The following DICER1 variants were observed in gnomAD, a reference collection of about 807,000 sequenced individuals.
The protein encoded by DICER1 is endoribonuclease Dicer.
Under a neutral mutation model 194.1 loss-of-function variants are expected in DICER1, and 43 were observed. The ratio of observed to expected loss-of-function variants is 0.22; its 90% CI spans 0.17 to 0.29. The LOEUF (loss-of-function observed/expected upper bound fraction) is 0.29. Among genes scored for constraint, DICER1 ranks in the 10% least tolerant of loss-of-function variants. The pLI, the probability that DICER1 is intolerant of heterozygous loss-of-function variation, is 1.00. For missense variants in DICER1, 1,608 were observed against 2,317.0 expected, an observed-to-expected ratio of 0.69 and a Z score of 6.28; for synonymous variants, 832 against 820.5, an observed-to-expected ratio of 1.01 and a Z score of -0.24.
chr14:95,115,982 T>C (rs1205170506), intron 10 of DICER1, among the ~76,000 whole-genome samples, 161 bp from the exon 11 acceptor site: 1 of 152,010 alleles, frequency 6.6e-6, no homozygotes, highest in Non-Finnish European at 1.5e-5. Flanking sequence ...CTTCTTCCAA[T>C]GAATCCCTCC....
intron 1 of DICER1, among the ~76,000 whole-genome samples, chr14:95,149,832 T>A (rs748686094): frequency 6.6e-6 from 1 of 151,114 alleles, no homozygotes; most frequent in Non-Finnish European, 1.5e-5. Flanking sequence ...AAACTCAAAT[T>A]AGACACTTTT....
At chr14:95,100,254 A>C (rs747208435) in intron 21 of DICER1, among the ~76,000 whole-genome samples, 16 of 152,222 alleles carry the variant, frequency 1.1e-4, no homozygotes, top group Admixed American at 2.0e-4. Context: ...AAGCCTTGAA[A>C]ATACAACCTG....
Position 95,124,397 on chromosome 14 carries a change from C to T in DICER1, c.1175G>A (p.Arg392Gln), listed in dbSNP as rs142635816. Residue 392 changes from arginine (R) to glutamine (Q), a missense_variant, in exon 8 of 27, where the codon CGA (arginine) becomes CAA (glutamine). Physicochemically the swap from Arg to Gln is conservative, Grantham distance 43. Transcript: ENST00000343455. The surrounding 1 kb of genome is among the most constrained non-coding windows in gnomAD (Gnocchi z 4.5). ...EILRKYKPYE[R>Q]QQFESVEWYN... ...CCACTCAACGCTTTCAAACTGCTGT[C>T]GCTCATATGGTTTATATTTGCGTAA... The T allele has an allele frequency of 8.1e-6, 13 of 1,614,046 alleles. No individual in the cohort carries two copies. The highest frequency in any genetic ancestry group is 1.7e-5 in the Admixed American group (1 of 60,014).
At chr14:95,144,526 A>G (rs1201927057) in intron 1 of DICER1, among the ~76,000 whole-genome samples, 6 of 152,168 alleles carry the variant, frequency 3.9e-5, no homozygotes, top group East Asian at 1.9e-4. Context: ...TACAAAATCC[A>G]TATCATACAA....
At chr14:95,132,906 C>T (rs979458721) in intron 2 of DICER1, among the ~76,000 whole-genome samples, 3 of 152,100 alleles carry the variant, frequency 2.0e-5, no homozygotes, top group Admixed American at 6.5e-5. Context: ...TGGCATTTAC[C>T]CTTTCTTTAA....
chr14:95,126,339 C>A (rs1051211962), intron 7 of DICER1, among the ~76,000 whole-genome samples: 1 of 152,198 alleles, frequency 6.6e-6, no homozygotes, highest in Non-Finnish European at 1.5e-5. Context: ...ACTTAAATAA[C>A]CATGACATGA....
intron 9 of DICER1, 54 bp from the exon 10 acceptor site, chr14:95,116,749 AC>A: frequency 6.3e-7 from 1 of 1,574,924 alleles, no homozygotes; most frequent in Non-Finnish European, 8.7e-7. Context: ...TCTAAAATGA[AC>A]AAAAAAAATT....
rs911742295 is a variant in DICER1, at chr14:95,108,252, T to G, written c.2436+72A>C. 2.1e-6 allele frequency: 3 copies of G among 1,441,618 alleles called. No homozygotes were observed. In the East Asian group the frequency reaches 6.8e-5, roughly 33 times the overall value. 89.3% of individuals were successfully genotyped at this position (1,441,618 alleles called of 1,614,324 possible). A position where few individuals can be genotyped will look rare whatever the true frequency, so the allele number is the denominator to read the frequency against. On this transcript the variant is annotated intron_variant, in intron 15 of 26. Transcript: ENST00000343455. ...TACTGAGGTAACAAAAGGTACTTAC[T>G]ACTAGTTTTTTTTTTTTTCCTTTTC... is the stretch of plus-strand genomic sequence containing the variant.
intron 11 of DICER1, among the ~76,000 whole-genome samples, chr14:95,114,809 C>T (rs1463172128): frequency 6.6e-6 from 1 of 152,124 alleles, no homozygotes; most frequent in Admixed American, 6.5e-5. Context: ...CAGTGATGTG[C>T]TGCCCAAAAA....
chr14:95,105,595 G>C lies in DICER1; in HGVS notation c.3093+83C>G. On this transcript the variant is annotated intron_variant, in intron 19 of 26. Coordinates refer to ENST00000343455, the MANE Select transcript of DICER1 (RefSeq NM_177438.3). This position sits in a 1 kb window ranked among gnomAD's most constrained non-coding sequence, Gnocchi z 4.9. ...ATTAACGAATCATGCATTTAACTTG[G>C]TAAGATAAAATTCAAACTTATCTTT... 9.4e-7 allele frequency: 1 copy of C among 1,066,984 alleles called. No individual in the cohort carries two copies. The highest frequency in any genetic ancestry group is 1.4e-6 in the Non-Finnish European group (1 of 700,976). The allele number at this position is 1,066,984 out of a possible 1,614,324, so 66.1% of individuals were successfully genotyped here.
chr14:95,138,363 C>A, intron 1 of DICER1, among the ~76,000 whole-genome samples: 1 of 150,608 alleles, frequency 6.6e-6, no homozygotes. Context: ...TTACATTTAT[C>A]AACATTTAGG....
chr14:95,120,186 C>T (rs1892820792), intron 8 of DICER1, among the ~76,000 whole-genome samples: 1 of 152,180 alleles, frequency 6.6e-6, no homozygotes, highest in African/African-American at 2.4e-5. Context: ...TTAACAGTAT[C>T]CCTTACTCCT....
intron 6 of DICER1, among the ~76,000 whole-genome samples, chr14:95,128,204 A>G (rs1442408036): frequency 5.3e-5 from 8 of 152,224 alleles, no homozygotes; most frequent in Admixed American, 5.2e-4. Context: ...AAACATATAT[A>G]CTATAGTTCT....
chr14:95,097,614 T>C (rs1221629681), intron 22 of DICER1, among the ~76,000 whole-genome samples: 1 of 152,048 alleles, frequency 6.6e-6, no homozygotes, highest in African/African-American at 2.4e-5. Flanking sequence ...ATTTCTGTTA[T>C]GCAAGTTTTT....
intron 24 of DICER1, among the ~76,000 whole-genome samples, chr14:95,093,378 C>A (rs867015213): frequency 2.0e-5 from 3 of 152,182 alleles, no homozygotes; most frequent in African/African-American, 7.2e-5. Context: ...GCTGAACTTA[C>A]AATAGAAGCC....
At chr14:95,148,609 A>G (rs951443004) in intron 1 of DICER1, among the ~76,000 whole-genome samples, 1 of 152,202 alleles carries the variant, frequency 6.6e-6, no homozygotes, top group Admixed American at 6.5e-5. Flanking sequence ...CAATATAATC[A>G]TGCCTAAAAT....
intron 24 of DICER1, among the ~76,000 whole-genome samples, chr14:95,092,397 A>G (rs1889927547): frequency 6.6e-6 from 1 of 152,202 alleles, no homozygotes; most frequent in Admixed American, 6.5e-5. Context: ...TCTAAAATCA[A>G]CACAAATCAT....
chr14:95,146,708 T>G (rs1895158600), intron 1 of DICER1, among the ~76,000 whole-genome samples: 1 of 152,114 alleles, frequency 6.6e-6, no homozygotes. Context: ...AAGCCAGGTG[T>G]GGCACAGGCA....
At position 95,105,524 on chromosome 14, in the gene DICER1, TAA is replaced by T. The variant is rs1315630900; in HGVS notation, c.3093+152_3093+153del. Among the ~76,000 whole-genome samples, 3 of 152,116 alleles carry T rather than the reference TAA, an allele frequency of 2.0e-5. No homozygotes were observed. The highest frequency in any genetic ancestry group is 4.4e-5 in the Non-Finnish European group (3 of 68,008). On this transcript the variant is annotated intron_variant, in intron 19 of 26. Transcript: ENST00000343455. The surrounding 1 kb of genome is among the most constrained non-coding windows in gnomAD (Gnocchi z 4.9). ...ATAACATTCAACACATAATACTAAT[TAA>T]AACAAAACAAAACAAAATTTGAGGA...
Sources: allele counts gnomAD v4.1 joint callset (sites outside exome capture counted in the v4.1 genomes callset), GRCh38; gene constraint gnomAD v4.1.1; non-coding constraint Gnocchi (gnomAD v3.1); transcripts MANE v1.5; gene names NCBI Gene and HGNC (gene_info 2026-07-23, HGNC 2026-07-21).